The following PRR16 variants were observed in gnomAD, a reference collection of about 807,000 sequenced individuals.
PRR16 encodes the protein proline rich 16.
A neutral mutation model predicts 18.2 loss-of-function variants in PRR16; 6 were observed. That is an observed-to-expected ratio of 0.33 (90% CI 0.18 to 0.65). PRR16 has a LOEUF of 0.65. PRR16 is among the 30% of genes least tolerant of loss of function. The probability of loss-of-function intolerance (pLI) is 0.74; values close to 1 mark genes in which losing one functional copy is unlikely to be tolerated. For missense variants in PRR16, 412 were observed against 376.6 expected (o/e 1.09, Z -0.78); for synonymous variants, 151 against 147.8 (o/e 1.02, Z -0.16).
the PRR16 span, among the ~76,000 whole-genome samples, chr5:120,718,078 A>G: frequency 6.6e-6 from 1 of 152,188 alleles, no homozygotes; most frequent in Non-Finnish European, 1.5e-5. Flanking sequence ...AACATTATTG[A>G]AAGTTCATAT....
At chr5:120,696,397 C>T in the PRR16 span, among the ~76,000 whole-genome samples, 1 of 152,168 alleles carries the variant, frequency 6.6e-6, no homozygotes, top group Admixed American at 6.5e-5. Flanking sequence ...AAAGGCAGTA[C>T]TTACCATACC....
At chr5:120,792,420 C>CTGTT in the PRR16 span, among the ~76,000 whole-genome samples, 1 of 152,182 alleles carries the variant, frequency 6.6e-6, no homozygotes, top group Non-Finnish European at 1.5e-5. Context: ...TTGTCCATCA[C>CTGTT]TGTTTCTTCT....
chr5:120,639,266 G>T (rs914522437), intron 1 of PRR16, among the ~76,000 whole-genome samples: 2 of 151,782 alleles, frequency 1.3e-5, no homozygotes, highest in Admixed American at 1.3e-4. Flanking sequence ...CCATATAATT[G>T]TTTGAAAATA....
chr5:120,694,291 G>C, the PRR16 span, among the ~76,000 whole-genome samples: 2 of 152,000 alleles, frequency 1.3e-5, no homozygotes, highest in African/African-American at 4.8e-5. Flanking sequence ...TATATTATCA[G>C]GTAAGCCTAA....
the PRR16 span, among the ~76,000 whole-genome samples, chr5:120,697,558 A>G: frequency 6.6e-6 from 1 of 152,078 alleles, no homozygotes. Context: ...ATGCGCGTCC[A>G]TGTGAAGAGA....
chr5:120,699,542 A>C, the PRR16 span, among the ~76,000 whole-genome samples: 1 of 152,220 alleles, frequency 6.6e-6, no homozygotes, highest in African/African-American at 2.4e-5. Context: ...TGAAGGAGCC[A>C]GGAAGCAGAA....
chr5:120,763,843 C>T, the PRR16 span, among the ~76,000 whole-genome samples: 6 of 151,592 alleles, frequency 4.0e-5, no homozygotes, highest in African/African-American at 9.7e-5. Flanking sequence ...TTGGGTTCTT[C>T]GTTTCTTTTT....
chr5:120,738,803 T>C, the PRR16 span, among the ~76,000 whole-genome samples: 1 of 152,126 alleles, frequency 6.6e-6, no homozygotes, highest in Non-Finnish European at 1.5e-5. Context: ...GATAGCTCCA[T>C]ACTGCAAGAG....
intron 1 of PRR16, among the ~76,000 whole-genome samples, chr5:120,508,549 T>C (rs1253231648): frequency 6.6e-6 from 1 of 152,028 alleles, no homozygotes; most frequent in Non-Finnish European, 1.5e-5. Flanking sequence ...GCTTTAGAAA[T>C]TAGAAAAAAG....
At chr5:120,659,669 T>C (rs1756107839) in intron 1 of PRR16, among the ~76,000 whole-genome samples, 1 of 152,046 alleles carries the variant, frequency 6.6e-6, no homozygotes, top group South Asian at 2.1e-4. Flanking sequence ...TCTGGGTTGG[T>C]AAATTTTGGT....
chr5:120,666,635 C>G (rs1756387458), intron 1 of PRR16, among the ~76,000 whole-genome samples: 1 of 152,112 alleles, frequency 6.6e-6, no homozygotes, highest in South Asian at 2.1e-4. Flanking sequence ...TATGTCCCAT[C>G]AATACCTAAT....
intron 1 of PRR16, among the ~76,000 whole-genome samples, chr5:120,612,697 C>T (rs1374468554): frequency 6.6e-6 from 1 of 152,110 alleles, no homozygotes. Context: ...TCAGGTATGT[C>T]TTTACCGGCA....
chr5:120,743,620 T>C, the PRR16 span, among the ~76,000 whole-genome samples: 8 of 152,162 alleles, frequency 5.3e-5, no homozygotes, highest in Admixed American at 2.0e-4. Flanking sequence ...TTATTATTAA[T>C]AGTTTTGTAG....
intron 1 of PRR16, among the ~76,000 whole-genome samples, chr5:120,537,773 T>G (rs76433234): frequency 1.7e-5 from 2 of 119,200 alleles, no homozygotes; most frequent in African/African-American, 6.2e-5. Context: ...TTTAATGTTT[T>G]TTTTTTTTTT....
At chr5:120,606,550 GA>G (rs1488777753) in intron 1 of PRR16, among the ~76,000 whole-genome samples, 3 of 151,846 alleles carry the variant, frequency 2.0e-5, no homozygotes, top group African/African-American at 4.8e-5. Flanking sequence ...AATTATTAAT[GA>G]TTTTTTTCAT....
intron 1 of PRR16, among the ~76,000 whole-genome samples, chr5:120,518,363 A>AGT: frequency 6.6e-6 from 1 of 152,154 alleles, no homozygotes; most frequent in Admixed American, 6.5e-5. Context: ...TGTAGGAGAC[A>AGT]AATTATGATA....
chr5:120,790,899 T>C, the PRR16 span: 1 of 151,788 alleles, frequency 6.6e-6, no homozygotes, highest in Admixed American at 6.6e-5. Context: ...TTAAAACAAA[T>C]TTAAAAACAT....
chr5:120,525,611 T>C (rs929399950), intron 1 of PRR16, among the ~76,000 whole-genome samples: 3 of 125,984 alleles, frequency 2.4e-5, no homozygotes, highest in African/African-American at 5.9e-5. Flanking sequence ...TCAATATTGC[T>C]TTTTTTTTTT....
intron 1 of PRR16, among the ~76,000 whole-genome samples, chr5:120,477,812 C>T (rs1047794868): frequency 2.0e-5 from 3 of 152,096 alleles, no homozygotes; most frequent in African/African-American, 7.2e-5. Context: ...TCACAGTAGT[C>T]GGCTGTTACA....
Sources: allele counts gnomAD v4.1 joint callset (sites outside exome capture counted in the v4.1 genomes callset), GRCh38; gene constraint gnomAD v4.1.1; transcripts MANE v1.5; gene names NCBI Gene and HGNC (gene_info 2026-07-23, HGNC 2026-07-21).